The following BRCA1 variants were observed in gnomAD, a reference collection of about 807,000 sequenced individuals.
The protein encoded by BRCA1 is breast cancer type 1 susceptibility protein.
In BRCA1, 140 loss-of-function variants were observed where a neutral mutation model predicts 173.7. That is an observed-to-expected ratio of 0.81 (90% CI 0.70 to 0.93). The LOEUF (loss-of-function observed/expected upper bound fraction) is 0.93, where lower values mean the gene tolerates loss of function less well. Ranked by LOEUF, BRCA1 falls within the 40% of genes least tolerant of loss-of-function variation. The probability of loss-of-function intolerance (pLI) is 0.00; values close to 1 mark genes in which losing one functional copy is unlikely to be tolerated. For missense variants in BRCA1, 1,983 were observed against 2,172.5 expected (o/e 0.91, Z 1.73); for synonymous variants, 662 against 756.0 (o/e 0.88, Z 2.04).
chr17:43,111,349 G>A (rs1017733678), intron 3 of BRCA1, among the ~76,000 whole-genome samples: 4 of 151,478 alleles, frequency 2.6e-5, no homozygotes, highest in East Asian at 3.9e-4. Flanking sequence ...GTGAAACCCC[G>A]TCTCTACTAA....
intron 1 of BRCA1, chr17:43,168,140 C>A (rs1346913758): frequency 1.2e-5 from 4 of 337,890 alleles, no homozygotes; most frequent in South Asian, 5.1e-5. Flanking sequence ...TATAGGAATC[C>A]CAAATTAATA....
Position 43,168,555 on chromosome 17 carries a change from C to T in BRCA1, c.-20+1571G>A, listed in dbSNP as rs144104613. On this transcript the variant is annotated intron_variant, in intron 1 of 7. Coordinates refer to the BRCA1 transcript ENST00000634433. ...CTCGGGAGCTGAGGCAGGAGAATCGCTTGAACCCACGAGTCAGAGGTTGCG... is the reference window on the plus strand; with the variant it reads ...CTCGGGAGCTGAGGCAGGAGAATCGTTTGAACCCACGAGTCAGAGGTTGCG... Among the ~76,000 whole-genome samples the T allele has an allele frequency of 3.3e-4, 51 of 152,310 alleles. 1 individual carries two copies. Among genetic ancestry groups the T allele is most frequent in the African/African-American group, 1.2e-3 (51 of 41,566 alleles).
intron 6 of BRCA1, among the ~76,000 whole-genome samples, chr17:43,101,503 TA>T: frequency 2.6e-5 from 4 of 151,064 alleles, no homozygotes; most frequent in African/African-American, 9.8e-5. Flanking sequence ...CTAGAACAAT[TA>T]CTTTTTTTTC....
upstream of BRCA1, among the ~76,000 whole-genome samples, chr17:43,126,917 C>T (rs1218104153): frequency 4.6e-5 from 7 of 152,214 alleles, no homozygotes; most frequent in East Asian, 7.7e-4. Flanking sequence ...GCGGGCTCAG[C>T]GGGCCCCGCA....
chr17:43,114,826 A>G (rs1427307007), intron 3 of BRCA1, among the ~76,000 whole-genome samples: 1 of 152,218 alleles, frequency 6.6e-6, no homozygotes, highest in Non-Finnish European at 1.5e-5. Flanking sequence ...ATAGCTTAAC[A>G]TAAAGAAAAG....
At chr17:43,058,801 A>G (rs558625354) in intron 18 of BRCA1, among the ~76,000 whole-genome samples, 1 of 152,360 alleles carries the variant, frequency 6.6e-6, no homozygotes, top group Admixed American at 6.5e-5. Flanking sequence ...TCAATGCACT[A>G]AAGAAAGTTA....
intron 11 of BRCA1, among the ~76,000 whole-genome samples, chr17:43,085,951 C>T (rs972533495): frequency 6.6e-6 from 1 of 152,098 alleles, no homozygotes; most frequent in Non-Finnish European, 1.5e-5. Flanking sequence ...AAGCTGAAGT[C>T]TTAGCACAAA....
Position 43,094,400 on chromosome 17 carries a change from G to T in BRCA1, c.1131C>A (p.Ser377Arg), listed in dbSNP as rs786203434. The change falls in exon 10 of 23, where the codon AGC becomes AGA. Residue 377 changes from serine (S) to arginine (R), a missense_variant. By Grantham distance (110) the Ser-to-Arg change is moderately radical. Coordinates refer to ENST00000357654, the MANE Select transcript of BRCA1 (RefSeq NM_007294.4). ...ACCACTCATTAACTTTCTGAATGCT[G>T]CTATTTAGTGTTATCCAAGGAACAT... ...TEDVPWITLNSSIQKVNEWFS... is the reference protein window; with the variant it reads ...TEDVPWITLNRSIQKVNEWFS... 3 of 1,614,004 alleles carry T rather than the reference G, an allele frequency of 1.9e-6. No individual in the cohort carries two copies. The highest frequency in any genetic ancestry group is 1.3e-5 in the African/African-American group (1 of 74,918).
At position 43,051,131 on chromosome 17, in the gene BRCA1, G is replaced by C. The variant is rs80358105; in HGVS notation, c.5278-14C>G. On this transcript the variant is annotated splice_polypyrimidine_tract_variant and intron_variant, in intron 19 of 22. Coordinates refer to ENST00000357654, the MANE Select transcript of BRCA1 (RefSeq NM_007294.4). The stretch of plus-strand genomic sequence containing the variant: ...CCCCCTGAAGATCTGGAAGAAGAGA[G>C]GAAGAGAGAGGGACAGGGGAATGGA... 7.4e-5 allele frequency: 119 copies of C among 1,611,186 alleles called. No homozygotes were observed. The highest frequency in any genetic ancestry group is 9.4e-5 in the Non-Finnish European group (111 of 1,177,488).
intron 2 of BRCA1, chr17:43,119,312 G>C (rs2055440616): frequency 4.5e-6 from 1 of 219,782 alleles, no homozygotes; most frequent in African/African-American, 2.2e-5. Context: ...AGAAAAGCTT[G>C]TGGACAGTAA....
rs1597804426 is a variant in BRCA1, at chr17:43,051,095, C to G, written c.5300G>C (p.Cys1767Ser). ...CATGTTGGTGAAGGGCCCATAGCAA[C>G]AGATTTCTAGCCCCCTGAAGATCTG... ...DRKIFRGLEI[C>S]CYGPFTNMPT... The change falls in exon 20 of 23, where the codon TGT becomes TCT. Residue 1767 changes from cysteine to serine, a missense_variant. Coordinates refer to ENST00000357654, the MANE Select transcript of BRCA1 (RefSeq NM_007294.4). 3 of 1,614,042 alleles carry G rather than the reference C, an allele frequency of 1.9e-6. No individual in the cohort carries two copies. Among genetic ancestry groups the G allele is most frequent in the Non-Finnish European group, 2.5e-6 (3 of 1,179,984 alleles).
chr17:43,057,180 G>A (rs2153409059), intron 18 of BRCA1, 45 bp from the exon 19 acceptor site: 2 of 1,586,054 alleles, frequency 1.3e-6, no homozygotes, highest in Non-Finnish European at 1.7e-6. Flanking sequence ...AGAAAGAGAA[G>A]CTTCCTTCAA....
At chr17:43,168,572 G>A (rs1267316613) in intron 1 of BRCA1, among the ~76,000 whole-genome samples, 1 of 152,242 alleles carries the variant, frequency 6.6e-6, no homozygotes, top group African/African-American at 2.4e-5. Context: ...CCACGAGTCA[G>A]AGGTTGCGGT....
At chr17:43,102,648 C>T (rs2054541531) in intron 6 of BRCA1, among the ~76,000 whole-genome samples, 2 of 151,840 alleles carry the variant, frequency 1.3e-5, no homozygotes, top group African/African-American at 4.8e-5. Context: ...AGCCGCCGCA[C>T]CCAGCCAGTT....
intron 1 of BRCA1, among the ~76,000 whole-genome samples, chr17:43,142,029 C>A (rs1567830419): frequency 6.6e-6 from 1 of 152,040 alleles, no homozygotes; most frequent in Non-Finnish European, 1.5e-5. Context: ...CTCCCTGCTT[C>A]AGCCTCCTGA....
upstream of BRCA1, chr17:43,125,365 G>C (rs1468059405): frequency 2.4e-6 from 1 of 417,200 alleles, no homozygotes; most frequent in Non-Finnish European, 4.9e-6. Context: ...AAGTCTCAGC[G>C]AGCTCACGCC....
chr17:43,077,311 AG>A (rs1356019164), intron 12 of BRCA1, among the ~76,000 whole-genome samples: 1 of 151,700 alleles, frequency 6.6e-6, no homozygotes, highest in African/African-American at 2.4e-5. Flanking sequence ...AACATACTGA[AG>A]GCAAAGTTCT....
intron 1 of BRCA1, chr17:43,138,475 T>G: frequency 4.9e-6 from 3 of 610,074 alleles, no homozygotes; most frequent in Non-Finnish European, 8.8e-6. Flanking sequence ...ACCATGTGAC[T>G]CCACCGTAGA....
At chr17:43,050,666 C>T (rs1054825268) in intron 20 of BRCA1, among the ~76,000 whole-genome samples, 1 of 151,104 alleles carries the variant, frequency 6.6e-6, no homozygotes, top group Non-Finnish European at 1.5e-5. Context: ...GCTCTGGGCC[C>T]GTCCGTGGTG....
Sources: gnomAD v4.1 joint callset for allele counts (sites outside exome capture counted in the v4.1 genomes callset) on GRCh38, gnomAD v4.1.1 for gene constraint, MANE v1.5 for transcripts, NCBI Gene and HGNC (gene_info 2026-07-23, HGNC 2026-07-21) for gene names.